The following KCNC2 variants were observed in gnomAD, a reference collection of about 807,000 sequenced individuals.
The protein encoded by KCNC2 is voltage-gated potassium channel KCNC2.
In KCNC2, 21 loss-of-function variants were observed where a neutral mutation model predicts 44.5. The ratio of observed to expected loss-of-function variants is 0.47; its 90% CI spans 0.33 to 0.68. The LOEUF (loss-of-function observed/expected upper bound fraction) is 0.68. Among genes scored for constraint, KCNC2 ranks in the 30% least tolerant of loss-of-function variants. KCNC2 has a pLI of 0.01. For missense variants in KCNC2, 589 were observed against 826.2 expected (o/e 0.71, Z 3.52); for synonymous variants, 391 against 339.1 (o/e 1.15, Z -1.68).
rs1251888333 is a variant in KCNC2, at chr12:75,207,003, A to T, written c.687+294T>A. ...TGAATCCTCATACCCGTTTCAGGAC[A>T]GGGTCCAAAGACGTGCACAGAAAAG... On this transcript the variant is annotated intron_variant, in intron 2 of 4. Transcript: ENST00000549446. This position sits in a 1 kb window ranked among gnomAD's most constrained non-coding sequence, Gnocchi z 4.1. 6.6e-6 allele frequency among the ~76,000 whole-genome samples: 1 copy of T among 152,226 alleles called. No homozygotes were observed. Among genetic ancestry groups the T allele is most frequent in the Non-Finnish European group, 1.5e-5 (1 of 68,048 alleles).
Position 75,188,587 on chromosome 12 carries a change from C to T in KCNC2, c.687+18710G>A, listed in dbSNP as rs546375710. On this transcript the variant is annotated intron_variant, in intron 2 of 4. Transcript: ENST00000549446. Reference sequence around the variant, plus strand: ...ATAAAAAAATAACAAGGTGGCCGGGCGCGGTGGCTTACACCTGTAATCCCA... The same window carrying T: ...ATAAAAAAATAACAAGGTGGCCGGGTGCGGTGGCTTACACCTGTAATCCCA... Among the ~76,000 whole-genome samples, 24 of 131,414 alleles carry T rather than the reference C, an allele frequency of 1.8e-4. No homozygotes were observed. The East Asian group carries it at 3.1e-3, about 17-fold the overall frequency. The allele number at this position is 131,414 out of a possible 152,430, so 86.2% of individuals were successfully genotyped here. A position where few individuals can be genotyped will look rare whatever the true frequency, so the allele number is the denominator to read the frequency against.
chr12:75,126,954 A>G (rs1401688264), intron 2 of KCNC2, among the ~76,000 whole-genome samples: 1 of 152,130 alleles, frequency 6.6e-6, no homozygotes, highest in Admixed American at 6.5e-5. Flanking sequence ...ACTTACGTAT[A>G]ATAATCGAAA....
intron 2 of KCNC2, among the ~76,000 whole-genome samples, chr12:75,101,401 T>G (rs1173956119): frequency 6.6e-6 from 1 of 152,106 alleles, no homozygotes; most frequent in Non-Finnish European, 1.5e-5. Context: ...AGTTTTGATG[T>G]GATTTACTAA....
At chr12:75,135,163 G>A (rs1054977366) in intron 2 of KCNC2, among the ~76,000 whole-genome samples, 8 of 151,620 alleles carry the variant, frequency 5.3e-5, no homozygotes, top group African/African-American at 9.7e-5. Context: ...CAGTTACATA[G>A]CAAATGTGAA....
intron 2 of KCNC2, among the ~76,000 whole-genome samples, chr12:75,057,261 T>C (rs1416515928): frequency 6.6e-6 from 1 of 151,962 alleles, no homozygotes; most frequent in Admixed American, 6.6e-5. Flanking sequence ...TGTATATTCA[T>C]GTCTTATACA....
intron 2 of KCNC2, among the ~76,000 whole-genome samples, chr12:75,168,160 A>G (rs1891580149): frequency 6.6e-6 from 1 of 151,470 alleles, no homozygotes; most frequent in African/African-American, 2.4e-5. Flanking sequence ...AAACCGAAAT[A>G]CATTACTATG....
chr12:75,159,987 A>G (rs1043981741), intron 2 of KCNC2, among the ~76,000 whole-genome samples: 2 of 151,890 alleles, frequency 1.3e-5, no homozygotes, highest in African/African-American at 2.4e-5. Context: ...TGAAAAATAT[A>G]TAAATGAATG....
chr12:75,079,236 T>G (rs924043592), intron 2 of KCNC2, among the ~76,000 whole-genome samples: 1 of 152,062 alleles, frequency 6.6e-6, no homozygotes, highest in African/African-American at 2.4e-5. Flanking sequence ...TTGTTAAGCA[T>G]GAAGAAAGAG....
chr12:75,182,092 T>A (rs775493412), intron 2 of KCNC2, among the ~76,000 whole-genome samples: 24 of 151,548 alleles, frequency 1.6e-4, no homozygotes, highest in Non-Finnish European at 1.5e-4. Context: ...ACATAGGTAG[T>A]TAAGTGATAG....
chr12:75,081,108 A>G (rs1884460681), intron 2 of KCNC2, among the ~76,000 whole-genome samples: 1 of 152,052 alleles, frequency 6.6e-6, no homozygotes, highest in Non-Finnish European at 1.5e-5. Flanking sequence ...GCTATACACT[A>G]ACTATATCCT....
At chr12:75,127,202 A>G (rs1443972226) in intron 2 of KCNC2, among the ~76,000 whole-genome samples, 1 of 152,176 alleles carries the variant, frequency 6.6e-6, no homozygotes, top group Admixed American at 6.5e-5. Context: ...AGCGAGAATT[A>G]GTAGTTACAT....
chr12:75,142,667 G>A (rs1364388314), intron 2 of KCNC2, among the ~76,000 whole-genome samples: 1 of 152,218 alleles, frequency 6.6e-6, no homozygotes, highest in African/African-American at 2.4e-5. Flanking sequence ...ATTGTTAGCT[G>A]GGAGTCAGCC....
intron 2 of KCNC2, among the ~76,000 whole-genome samples, chr12:75,184,634 T>C (rs1005297738): frequency 4.8e-4 from 73 of 152,198 alleles, no homozygotes; most frequent in African/African-American, 1.8e-3. Flanking sequence ...TACTACCTTA[T>C]GTTGCTTGAT....
intron 2 of KCNC2, among the ~76,000 whole-genome samples, chr12:75,117,568 T>C (rs1017451581): frequency 2.0e-5 from 3 of 152,132 alleles, no homozygotes; most frequent in African/African-American, 7.2e-5. Context: ...GTAGAGAGTA[T>C]TCAGGGAATT....
chr12:75,059,391 T>A (rs1301732581), intron 2 of KCNC2, among the ~76,000 whole-genome samples: 2 of 152,064 alleles, frequency 1.3e-5, no homozygotes. Context: ...GTCTCACTTG[T>A]TTACAGTGGA....
chr12:75,124,515 C>T (rs906994821), intron 2 of KCNC2, among the ~76,000 whole-genome samples: 3 of 152,094 alleles, frequency 2.0e-5, no homozygotes, highest in Non-Finnish European at 4.4e-5. Context: ...GGATATCCCT[C>T]GCAGATGTAT....
At chr12:75,169,546 A>G (rs990311658) in intron 2 of KCNC2, among the ~76,000 whole-genome samples, 1 of 151,642 alleles carries the variant, frequency 6.6e-6, no homozygotes, top group South Asian at 2.1e-4. Flanking sequence ...AGCTCCTACG[A>G]AAGCAAAAAG....
chr12:75,138,245 T>G (rs1177546601), intron 2 of KCNC2, among the ~76,000 whole-genome samples: 1 of 152,212 alleles, frequency 6.6e-6, no homozygotes, highest in African/African-American at 2.4e-5. Context: ...AACAGAACCA[T>G]TTGCTCATCT....
chr12:75,065,402 A>G (rs901211254), intron 2 of KCNC2, among the ~76,000 whole-genome samples: 2 of 152,110 alleles, frequency 1.3e-5, no homozygotes, highest in Admixed American at 6.6e-5. Flanking sequence ...TGAAATTAAT[A>G]AACATGATTT....
Sources: allele counts gnomAD v4.1 joint callset (sites outside exome capture counted in the v4.1 genomes callset), GRCh38; gene constraint gnomAD v4.1.1; non-coding constraint Gnocchi (gnomAD v3.1); transcripts MANE v1.5; gene names NCBI Gene and HGNC (gene_info 2026-07-23, HGNC 2026-07-21).